LDLRAD4: variants seen among roughly 807,000 people sequenced by gnomAD.
The protein encoded by LDLRAD4 is low-density lipoprotein receptor class A domain-containing protein 4.
In LDLRAD4, 5 loss-of-function variants were observed where a neutral mutation model predicts 17.0. The ratio of observed to expected loss-of-function variants is 0.29; its 90% CI spans 0.15 to 0.62. LDLRAD4 has a LOEUF of 0.62. LDLRAD4 is among the 20% of genes least tolerant of loss of function. LDLRAD4 has a pLI of 0.84. For missense variants in LDLRAD4, 340 were observed against 424.7 expected (o/e 0.80, Z 1.75); for synonymous variants, 168 against 171.8 (o/e 0.98, Z 0.17).
chr18:13,296,239 G>A (rs1002213427), intron 1 of LDLRAD4, among the ~76,000 whole-genome samples: 3 of 152,266 alleles, frequency 2.0e-5, no homozygotes, highest in Non-Finnish European at 4.4e-5. Flanking sequence ...ACCGGGCTGT[G>A]ATTCTTCTGT....
At chr18:13,307,666 C>G (rs1243902238) in intron 1 of LDLRAD4, among the ~76,000 whole-genome samples, 3 of 152,158 alleles carry the variant, frequency 2.0e-5, no homozygotes, top group Admixed American at 6.5e-5. Flanking sequence ...TGATCCTCCC[C>G]CTTCAGCCTC....
intron 3 of LDLRAD4, among the ~76,000 whole-genome samples, chr18:13,584,778 G>T (rs1377094047): frequency 6.6e-6 from 1 of 152,166 alleles, no homozygotes; most frequent in Non-Finnish European, 1.5e-5. Context: ...TCTGTCTCCT[G>T]ATACACTGTA....
At chr18:13,299,668 A>C (rs1480695317) in intron 1 of LDLRAD4, among the ~76,000 whole-genome samples, 2 of 151,922 alleles carry the variant, frequency 1.3e-5, no homozygotes. Flanking sequence ...ACACAGCAAG[A>C]CCCCATCTAT....
At chr18:13,390,234 C>T (rs970908594) in intron 2 of LDLRAD4, among the ~76,000 whole-genome samples, 1 of 152,244 alleles carries the variant, frequency 6.6e-6, no homozygotes, top group African/African-American at 2.4e-5. Context: ...GGCTGAGGAA[C>T]AAGGTGTGCC....
At chr18:13,520,807 T>G (rs1403093780) in intron 3 of LDLRAD4, 5 of 152,160 alleles carry the variant, frequency 3.3e-5, no homozygotes, top group Admixed American at 2.0e-4. Context: ...GAGCCCTGAT[T>G]GTGCCACTGC....
At chr18:13,493,797 G>A (rs2093406365) in intron 3 of LDLRAD4, among the ~76,000 whole-genome samples, 1 of 152,196 alleles carries the variant, frequency 6.6e-6, no homozygotes, top group Non-Finnish European at 1.5e-5. Flanking sequence ...GAACAGCAGA[G>A]GGAGGCGGTC....
At chr18:13,483,283 GT>G (rs1268596640) in intron 3 of LDLRAD4, among the ~76,000 whole-genome samples, 1 of 152,184 alleles carries the variant, frequency 6.6e-6, no homozygotes, top group East Asian at 1.9e-4. Flanking sequence ...TAGTTACTGA[GT>G]TTCTCACTGT....
intron 3 of LDLRAD4, among the ~76,000 whole-genome samples, chr18:13,590,324 G>A (rs1324920851): frequency 1.4e-5 from 2 of 138,108 alleles, no homozygotes; most frequent in African/African-American, 2.8e-5. Flanking sequence ...GTTGGTATGT[G>A]TATGTGGGGG....
chr18:13,307,353 T>C (rs912260864), intron 1 of LDLRAD4, among the ~76,000 whole-genome samples: 4 of 152,218 alleles, frequency 2.6e-5, no homozygotes, highest in Admixed American at 2.0e-4. Flanking sequence ...AACTTTATGA[T>C]GGTTCACTTC....
chr18:13,302,801 T>C (rs945209044), intron 1 of LDLRAD4, among the ~76,000 whole-genome samples: 1 of 152,248 alleles, frequency 6.6e-6, no homozygotes, highest in Non-Finnish European at 1.5e-5. Flanking sequence ...CATGCTGTTA[T>C]GTTACATGCA....
At chr18:13,651,493 C>T (rs1009993639) in exon 6 of LDLRAD4, 1 of 152,192 alleles carries the variant, frequency 6.6e-6, no homozygotes, top group Non-Finnish European at 1.5e-5. Flanking sequence ...CATCATAATA[C>T]GGACCCAAAA....
intron 1 of LDLRAD4, among the ~76,000 whole-genome samples, chr18:13,253,024 T>C (rs2145845875): frequency 6.6e-6 from 1 of 152,228 alleles, no homozygotes; most frequent in Middle Eastern, 3.4e-3. Flanking sequence ...GGGTCCAGGG[T>C]GCAGGCCTGC....
chr18:13,508,638 T>G (rs1441872068), intron 3 of LDLRAD4, among the ~76,000 whole-genome samples: 2 of 152,198 alleles, frequency 1.3e-5, no homozygotes, highest in Non-Finnish European at 2.9e-5. Context: ...ACAGCAGATC[T>G]AAAATAGATC....
At chr18:13,610,512 C>G (rs1304994182) in intron 3 of LDLRAD4, among the ~76,000 whole-genome samples, 1 of 151,920 alleles carries the variant, frequency 6.6e-6, no homozygotes, top group African/African-American at 2.4e-5. Flanking sequence ...GTCTTGAACT[C>G]CTGACCTCAG....
chr18:13,358,347 A>G (rs1018800378), intron 1 of LDLRAD4, among the ~76,000 whole-genome samples: 1 of 151,770 alleles, frequency 6.6e-6, no homozygotes, highest in Non-Finnish European at 1.5e-5. Flanking sequence ...ATTATTTTAT[A>G]TATAGAGAGA....
chr18:13,238,817 A>C (rs2145631720), intron 1 of LDLRAD4, among the ~76,000 whole-genome samples: 1 of 152,202 alleles, frequency 6.6e-6, no homozygotes, highest in South Asian at 2.1e-4. Context: ...GAGCTCACTG[A>C]GATGCCTCCT....
intron 3 of LDLRAD4, among the ~76,000 whole-genome samples, chr18:13,450,816 A>AG (rs934843683): frequency 2.4e-4 from 36 of 152,234 alleles, no homozygotes; most frequent in South Asian, 4.1e-4. Context: ...CCTGCTCTTC[A>AG]GGGGGAGTGT....
At chr18:13,548,924 A>G (rs2094401776) in intron 3 of LDLRAD4, among the ~76,000 whole-genome samples, 4 of 152,204 alleles carry the variant, frequency 2.6e-5, no homozygotes, top group African/African-American at 9.7e-5. Flanking sequence ...TGCAAGGAAT[A>G]CTTTTTTCAT....
At chr18:13,283,610 C>G (rs1167947322) in intron 1 of LDLRAD4, among the ~76,000 whole-genome samples, 1 of 152,182 alleles carries the variant, frequency 6.6e-6, no homozygotes, top group Admixed American at 6.5e-5. Context: ...TTGGGCAAAG[C>G]CATTTAACAA....
Sources: gnomAD v4.1 joint callset for allele counts (sites outside exome capture counted in the v4.1 genomes callset) on GRCh38, gnomAD v4.1.1 for gene constraint, MANE v1.5 for transcripts, NCBI Gene and HGNC (gene_info 2026-07-23, HGNC 2026-07-21) for gene names.